The following ANKRD17 variants were observed in gnomAD, a reference collection of about 807,000 sequenced individuals.
ANKRD17 encodes the protein ankyrin repeat domain 17, also known as ankyrin repeat domain-containing protein 17.
ANKRD17 carries 19 observed loss-of-function variants against 229.7 expected under a neutral mutation model. The ratio of observed to expected loss-of-function variants is 0.08; its 90% CI spans 0.06 to 0.12. ANKRD17 has a LOEUF of 0.12. Ranked by LOEUF, ANKRD17 falls within the 10% of genes least tolerant of loss-of-function variation. The pLI is 1.00. For synonymous variants in ANKRD17, 1,112 were observed against 1,146.1 expected (o/e 0.97, Z 0.60); for missense variants, 2,176 against 3,176.8 (o/e 0.68, Z 7.57).
intron 30 of ANKRD17, among the ~76,000 whole-genome samples, chr4:73,081,773 C>T (rs1338452595): frequency 1.3e-5 from 2 of 152,148 alleles, no homozygotes; most frequent in Admixed American, 1.3e-4. Flanking sequence ...TCACTGATAC[C>T]ACGGTAACTT....
chr4:73,249,519 T>C (rs570582004), intron 1 of ANKRD17, among the ~76,000 whole-genome samples: 9 of 152,348 alleles, frequency 5.9e-5, no homozygotes, highest in Non-Finnish European at 8.8e-5. Flanking sequence ...TTCTCTACCT[T>C]ATAAGTCAGT....
Position 73,074,427 on chromosome 4 carries a change from A to G in ANKRD17, c.*1804T>C, listed in dbSNP as rs1296747242. 3 of 152,022 alleles carry G rather than the reference A, an allele frequency of 2.0e-5. No homozygotes were observed. The highest frequency in any genetic ancestry group is 4.1e-4 in the South Asian group (2 of 4,836). The allele number at this position is 152,022 out of a possible 1,614,324, so 9.4% of individuals were successfully genotyped here. The stretch of plus-strand genomic sequence containing the variant: ...TACATCCCTTTTTTAGTAAAGTGCT[A>G]TAATTTTATTTCATAGCTATATTTA... On this transcript the variant is annotated 3_prime_UTR_variant, in exon 34 of 34. Transcript: ENST00000358602.
In ANKRD17 at chr4:73,115,894, T is replaced by C; in HGVS notation, c.4211A>G (p.Tyr1404Cys). 1 of 1,613,696 alleles carries C rather than the reference T, an allele frequency of 6.2e-7. No individual in the cohort carries two copies. The highest frequency in any genetic ancestry group is 1.1e-5 in the South Asian group (1 of 91,076). Reference protein sequence around the residue: ...FRKGHVKVVRYLVKEVNQFPS... With the variant: ...FRKGHVKVVRCLVKEVNQFPS... The stretch of plus-strand genomic sequence containing the variant: ...AAACTGATTGACTTCTTTGACTAAG[T>C]AGCGCACCACCTTCACATGACCCTA... The change falls in exon 23 of 34, where the codon TAC becomes TGC. Residue 1404 changes from tyrosine to cysteine, a missense_variant. By Grantham distance (194) the Tyr-to-Cys change is radical (BLOSUM62 -2). Transcript: ENST00000358602.
chr4:73,153,101 G>T (rs1055242777), intron 6 of ANKRD17, among the ~76,000 whole-genome samples: 1 of 152,118 alleles, frequency 6.6e-6, no homozygotes, highest in African/African-American at 2.4e-5. Flanking sequence ...AATTTAAGGA[G>T]CCACTCACAT....
intron 22 of ANKRD17, 132 bp downstream of exon 22, chr4:73,118,556 G>T: frequency 2.0e-6 from 2 of 987,098 alleles, no homozygotes; most frequent in Non-Finnish European, 3.0e-6. Context: ...TGCCATAAGA[G>T]TAATTATTTG....
chr4:73,097,343 T>C (rs1723416845), intron 26 of ANKRD17, 71 bp from the exon 27 acceptor site: 4 of 1,303,034 alleles, frequency 3.1e-6, no homozygotes, highest in Non-Finnish European at 4.1e-6. Flanking sequence ...AAAGGTAGTC[T>C]ACTACCCAAT....
intron 1 of ANKRD17, among the ~76,000 whole-genome samples, chr4:73,224,248 C>CA (rs995273782): frequency 2.6e-5 from 4 of 151,964 alleles, no homozygotes; most frequent in African/African-American, 7.2e-5. Flanking sequence ...TCTCCAAAAA[C>CA]AAAAAGGAAC....
chr4:73,201,374 A>G (rs930408182), intron 1 of ANKRD17, among the ~76,000 whole-genome samples: 1 of 152,124 alleles, frequency 6.6e-6, no homozygotes, highest in Non-Finnish European at 1.5e-5. Flanking sequence ...ACACAAATGC[A>G]CAGTAAGTTA....
chr4:73,155,499 C>T, intron 5 of ANKRD17, 132 bp downstream of exon 5: 3 of 956,988 alleles, frequency 3.1e-6, no homozygotes, highest in Non-Finnish European at 1.6e-6. Flanking sequence ...AACTCATACA[C>T]AGATGTGTGA....
chr4:73,081,281 G>A, intron 30 of ANKRD17, among the ~76,000 whole-genome samples: 1 of 152,186 alleles, frequency 6.6e-6, no homozygotes, highest in Non-Finnish European at 1.5e-5. Context: ...AGATTATGAA[G>A]AAGTTTAGGT....
At chr4:73,086,300 G>A (rs373468282) in intron 29 of ANKRD17, among the ~76,000 whole-genome samples, 5 of 151,944 alleles carry the variant, frequency 3.3e-5, no homozygotes, top group African/African-American at 7.3e-5. Context: ...TTTCAAAAAC[G>A]AATGTATGTG....
chr4:73,251,937 A>C (rs1407918285), intron 1 of ANKRD17, among the ~76,000 whole-genome samples: 1 of 152,168 alleles, frequency 6.6e-6, no homozygotes, highest in Non-Finnish European at 1.5e-5. Flanking sequence ...CACAATACTA[A>C]CTCCAGTTAA....
At chr4:73,214,793 T>C (rs1389605699) in intron 1 of ANKRD17, among the ~76,000 whole-genome samples, 1 of 148,818 alleles carries the variant, frequency 6.7e-6, no homozygotes, top group Non-Finnish European at 1.5e-5. Flanking sequence ...CAGGACTGCT[T>C]GAAGCCAGGA....
At chr4:73,166,343 C>A (rs1021080352) in intron 2 of ANKRD17, among the ~76,000 whole-genome samples, 5 of 152,116 alleles carry the variant, frequency 3.3e-5, no homozygotes, top group Non-Finnish European at 5.9e-5. Context: ...GGTACAGAGA[C>A]AGGGTAAGTC....
chr4:73,129,957 A>G (rs762915007), intron 16 of ANKRD17, among the ~76,000 whole-genome samples: 72 of 151,486 alleles, frequency 4.8e-4, no homozygotes, highest in Non-Finnish European at 8.1e-4. Flanking sequence ...AGTAGAGACA[A>G]GGTTTCACGG....
At chr4:73,127,256 C>A (rs1054022137) in intron 16 of ANKRD17, among the ~76,000 whole-genome samples, 1 of 152,060 alleles carries the variant, frequency 6.6e-6, no homozygotes, top group Non-Finnish European at 1.5e-5. Context: ...ATCACTCCAG[C>A]TGTAAGTCTA....
chr4:73,223,633 T>C (rs754015643), intron 1 of ANKRD17, among the ~76,000 whole-genome samples: 5 of 152,218 alleles, frequency 3.3e-5, no homozygotes, highest in Non-Finnish European at 7.4e-5. Context: ...GAGAACCAGG[T>C]TAACATTCAA....
chr4:73,125,116 A>G, intron 17 of ANKRD17, 58 bp from the exon 18 acceptor site: 6 of 1,602,096 alleles, frequency 3.7e-6, no homozygotes, highest in Non-Finnish European at 5.1e-6. Flanking sequence ...AAAATATCTG[A>G]CCTTCAAAAT....
intron 1 of ANKRD17, among the ~76,000 whole-genome samples, chr4:73,218,630 G>C (rs1456989159): frequency 7.4e-6 from 1 of 135,682 alleles, no homozygotes; most frequent in East Asian, 2.3e-4. Context: ...GTGACAGAGT[G>C]AGACTCTGTC....
Sources: gnomAD v4.1 joint callset for allele counts (sites outside exome capture counted in the v4.1 genomes callset) on GRCh38, gnomAD v4.1.1 for gene constraint, MANE v1.5 for transcripts, NCBI Gene and HGNC (gene_info 2026-07-23, HGNC 2026-07-21) for gene names.